The following KANK1 variants were observed in gnomAD, a reference collection of about 807,000 sequenced individuals.
KANK1 encodes the protein KN motif and ankyrin repeat domains 1, also known as KN motif and ankyrin repeat domain-containing protein 1.
A neutral mutation model predicts 106.2 loss-of-function variants in KANK1; 109 were observed. The observed-to-expected ratio is 1.03, with a 90% CI of 0.88 to 1.20. The LOEUF is 1.20. Among genes scored for constraint, KANK1 ranks in the 50% most tolerant of loss-of-function variants. The pLI is 0.00. For synonymous variants in KANK1, 873 were observed against 652.2 expected, an observed-to-expected ratio of 1.34 and a Z score of -5.16; for missense variants, 2,399 against 1,710.7, an observed-to-expected ratio of 1.40 and a Z score of -7.10.
Position 730,253 on chromosome 9 carries a change from CTT to C in KANK1, c.2896+8_2896+9del. On this transcript the variant is annotated splice_donor_region_variant and intron_variant, in intron 4 of 11. Transcript: ENST00000382297. ...AGATCGCCGCTGGCCTCTATGGTAACTTTTCTCACTCACAGTCATTGGCATCA... is the reference window on the plus strand; with the variant it reads ...AGATCGCCGCTGGCCTCTATGGTAACTTCTCACTCACAGTCATTGGCATCA... 3 of 1,614,088 alleles carry C rather than the reference CTT, an allele frequency of 1.9e-6. No homozygotes were observed. The highest frequency in any genetic ancestry group is 2.7e-5 in the African/African-American group (2 of 75,062).
intron 7 of KANK1, among the ~76,000 whole-genome samples, chr9:737,128 G>A (rs1462803797): frequency 1.3e-5 from 2 of 152,130 alleles, no homozygotes; most frequent in Non-Finnish European, 2.9e-5. Context: ...CAGGACACCA[G>A]TTATTTAGCA....
chr9:726,245 G>A (rs1021034754), intron 3 of KANK1, among the ~76,000 whole-genome samples: 1 of 152,066 alleles, frequency 6.6e-6, no homozygotes, highest in East Asian at 1.9e-4. Flanking sequence ...TTCTTCTCTT[G>A]GTGGGAATGG....
intron 11 of KANK1, 72 bp from the exon 12 acceptor site, chr9:745,101 C>T: frequency 6.3e-7 from 1 of 1,575,048 alleles, no homozygotes; most frequent in Non-Finnish European, 8.6e-7. Flanking sequence ...GGCCAAGATC[C>T]TATGTCACAG....
At chr9:724,584 T>C (rs1220395013) in intron 3 of KANK1, among the ~76,000 whole-genome samples, 1 of 152,054 alleles carries the variant, frequency 6.6e-6, no homozygotes, top group Non-Finnish European at 1.5e-5. Context: ...GGTGGATCAC[T>C]TGAGGTCAGG....
chr9:660,880 A>G (rs1229726806), intron 1 of KANK1, among the ~76,000 whole-genome samples: 1 of 152,194 alleles, frequency 6.6e-6, no homozygotes, highest in African/African-American at 2.4e-5. Context: ...GCTTGCCACA[A>G]AGGTCTTTTT....
chr9:723,223 C>T (rs958942409), intron 3 of KANK1, among the ~76,000 whole-genome samples: 1 of 152,106 alleles, frequency 6.6e-6, no homozygotes, highest in African/African-American at 2.4e-5. Flanking sequence ...TCCACCTTGA[C>T]CCTTGGATGC....
chr9:565,949 T>C (rs1010129048), intron 1 of KANK1, among the ~76,000 whole-genome samples: 2 of 152,210 alleles, frequency 1.3e-5, no homozygotes, highest in South Asian at 2.1e-4. Flanking sequence ...GTTGTACAGA[T>C]TGTTTCATCA....
At chr9:728,297 G>A (rs35729697) in intron 3 of KANK1, among the ~76,000 whole-genome samples, 11,477 of 152,076 alleles carry the variant, frequency 0.075, 1,073 homozygotes, top group African/African-American at 0.21. Context: ...CTCCGGGTTC[G>A]AGCCATTCTC....
At chr9:608,375 G>C (rs1829815941) in intron 1 of KANK1, among the ~76,000 whole-genome samples, 1 of 151,658 alleles carries the variant, frequency 6.6e-6, no homozygotes, top group Non-Finnish European at 1.5e-5. Flanking sequence ...CATTCTACGT[G>C]ACCATAGACC....
chr9:682,855 G>A (rs1290204645), intron 2 of KANK1, among the ~76,000 whole-genome samples: 2 of 152,226 alleles, frequency 1.3e-5, no homozygotes, highest in Non-Finnish European at 1.5e-5. Flanking sequence ...GGGTCAGCCA[G>A]ACAGAGCCAG....
At chr9:738,928 C>T (rs145195545) in intron 8 of KANK1, among the ~76,000 whole-genome samples, 2,277 of 152,314 alleles carry the variant, frequency 0.015, 32 homozygotes, top group South Asian at 0.035. Flanking sequence ...TACTCCATGA[C>T]TGCTGTCCTT....
At chr9:640,806 C>T (rs1361335197) in intron 1 of KANK1, among the ~76,000 whole-genome samples, 2 of 151,682 alleles carry the variant, frequency 1.3e-5, no homozygotes, top group African/African-American at 4.9e-5. Context: ...ACACCATTCT[C>T]CTGCCTTGGC....
intron 1 of KANK1, among the ~76,000 whole-genome samples, chr9:521,129 T>C (rs1587469594): frequency 1.3e-5 from 2 of 151,810 alleles, no homozygotes; most frequent in African/African-American, 2.4e-5. Context: ...ATAAAAGATA[T>C]GAAATCGGAA....
intron 3 of KANK1, among the ~76,000 whole-genome samples, chr9:718,115 T>C (rs75827663): frequency 0.027 from 4,052 of 152,154 alleles, 188 homozygotes; most frequent in African/African-American, 0.093. Context: ...AAATAATATA[T>C]CATTTACCTG....
intron 8 of KANK1, 64 bp downstream of exon 8, chr9:738,568 G>A (rs1039571602): frequency 7.6e-7 from 1 of 1,309,300 alleles, no homozygotes; most frequent in Non-Finnish European, 1.1e-6. Flanking sequence ...TCATCTCAGA[G>A]AACCTGGTTG....
intron 1 of KANK1, among the ~76,000 whole-genome samples, chr9:562,741 A>G (rs1816818128): frequency 6.6e-6 from 1 of 152,236 alleles, no homozygotes; most frequent in African/African-American, 2.4e-5. Context: ...AACCGATGCT[A>G]GTGGAGATTT....
At chr9:577,693 C>G (rs979313034) in intron 1 of KANK1, among the ~76,000 whole-genome samples, 6 of 152,170 alleles carry the variant, frequency 3.9e-5, no homozygotes, top group African/African-American at 1.4e-4. Context: ...TACACATTCT[C>G]AAGTTCCACC....
rs141175425 is a variant in KANK1, at chr9:738,974, C to G, written c.3553+470C>G. 7.2e-5 allele frequency among the ~76,000 whole-genome samples: 11 copies of G among 152,308 alleles called. No homozygotes were observed. In the East Asian group the frequency reaches 1.5e-3, roughly 21 times the overall value. ...GTGGTTAGTCAAGATGGGGACTAAG[C>G]AAAGCCACCTTAACAGATGGTCAAA... On this transcript the variant is annotated intron_variant, in intron 8 of 11. Coordinates refer to ENST00000382297, the MANE Select transcript of KANK1 (RefSeq NM_015158.5).
chr9:523,704 C>A (rs917460514), intron 1 of KANK1, among the ~76,000 whole-genome samples: 1 of 151,662 alleles, frequency 6.6e-6, no homozygotes, highest in Non-Finnish European at 1.5e-5. Flanking sequence ...GTGCTCTGTC[C>A]TCACCTCAGT....
Sources: gnomAD v4.1 joint callset for allele counts (sites outside exome capture counted in the v4.1 genomes callset) on GRCh38, gnomAD v4.1.1 for gene constraint, MANE v1.5 for transcripts, NCBI Gene and HGNC (gene_info 2026-07-23, HGNC 2026-07-21) for gene names.